Variants in TAFA5 observed in about 807,000 individuals in gnomAD.
TAFA5 encodes chemokine-like protein TAFA-5.
In TAFA5, 6 loss-of-function variants were observed where a neutral mutation model predicts 15.3. That is an observed-to-expected ratio of 0.39 (90% CI 0.21 to 0.77). The LOEUF (loss-of-function observed/expected upper bound fraction) is 0.77. Ranked by LOEUF, TAFA5 falls within the 30% of genes least tolerant of loss-of-function variation. The pLI is 0.41. For synonymous variants in TAFA5, 103 were observed against 80.7 expected, an observed-to-expected ratio of 1.28 and a Z score of -1.48; for missense variants, 161 against 193.1, an observed-to-expected ratio of 0.83 and a Z score of 0.98.
intron 1 of TAFA5, among the ~76,000 whole-genome samples, chr22:48,540,921 C>T (rs1388678464): frequency 6.6e-6 from 1 of 151,744 alleles, no homozygotes; most frequent in Non-Finnish European, 1.5e-5. Context: ...TATTAGAAGC[C>T]GGCCAGGTAA....
At chr22:48,596,471 T>G (rs1924768043) in intron 1 of TAFA5, among the ~76,000 whole-genome samples, 1 of 152,232 alleles carries the variant, frequency 6.6e-6, no homozygotes, top group African/African-American at 2.4e-5. Context: ...TATTACTGTT[T>G]GTGAAAATCA....
intron 1 of TAFA5, among the ~76,000 whole-genome samples, chr22:48,553,878 A>G (rs541016119): frequency 2.6e-5 from 4 of 152,234 alleles, no homozygotes; most frequent in Admixed American, 2.6e-4. Context: ...TTTGATGCTC[A>G]TTAGGTGATC....
At chr22:48,512,612 C>A (rs1239225788) in intron 1 of TAFA5, among the ~76,000 whole-genome samples, 4 of 149,974 alleles carry the variant, frequency 2.7e-5, no homozygotes, top group African/African-American at 9.9e-5. Flanking sequence ...GGTGATAGAG[C>A]GAGACTTTGT....
intron 1 of TAFA5, among the ~76,000 whole-genome samples, chr22:48,579,262 G>A (rs1020711858): frequency 2.0e-5 from 3 of 152,184 alleles, no homozygotes; most frequent in South Asian, 2.1e-4. Flanking sequence ...CCTGCCCACC[G>A]CACCAGGCCT....
At chr22:48,491,281 G>A (rs1928145630) in intron 1 of TAFA5, among the ~76,000 whole-genome samples, 2 of 152,306 alleles carry the variant, frequency 1.3e-5, no homozygotes, top group South Asian at 4.1e-4. Context: ...CCCAAGCAAG[G>A]CTTCCTAGGA....
intron 2 of TAFA5, among the ~76,000 whole-genome samples, chr22:48,656,035 G>A (rs1484510961): frequency 2.0e-5 from 3 of 151,270 alleles, no homozygotes; most frequent in East Asian, 2.0e-4. Context: ...GTAGAGATGG[G>A]GTTTCATCAT....
intron 1 of TAFA5, among the ~76,000 whole-genome samples, chr22:48,506,957 A>C (rs2071783): frequency 0.15 from 22,535 of 152,254 alleles, 2,095 homozygotes; most frequent in East Asian, 0.35. Flanking sequence ...CATCCCCTCC[A>C]GCCCACAGCA....
intron 3 of TAFA5, among the ~76,000 whole-genome samples, chr22:48,745,949 C>T (rs1316302321): frequency 6.6e-6 from 1 of 152,178 alleles, no homozygotes; most frequent in Non-Finnish European, 1.5e-5. Flanking sequence ...GCGGGAGCTG[C>T]CACCTGTGAG....
rs1045330576 is a variant in TAFA5, at chr22:48,751,157, A to G, written c.*1310A>G. 3 of 152,316 alleles carry G rather than the reference A, an allele frequency of 2.0e-5. No individual in the cohort carries two copies. The highest frequency in any genetic ancestry group is 7.2e-5 in the African/African-American group (3 of 41,464). 9.4% of individuals were successfully genotyped at this position (152,316 alleles called of 1,614,324 possible). On this transcript the variant is annotated 3_prime_UTR_variant, in exon 4 of 4. Coordinates refer to ENST00000402357, the MANE Select transcript of TAFA5 (RefSeq NM_001082967.3). The stretch of plus-strand genomic sequence containing the variant: ...GTATTGGTCAACACTTGAGCGTACA[A>G]TATCTTGAACATGCTTCTTCCAATG...
rs190209389 is a variant in TAFA5, at chr22:48,608,319, C to T, written c.113-38278C>T. Among the ~76,000 whole-genome samples, 35 of 152,334 alleles carry T rather than the reference C, an allele frequency of 2.3e-4. 1 individual carries two copies. The highest frequency in any genetic ancestry group is 2.3e-3 in the South Asian group (11 of 4,828). ...GCACCGTAGCCATCAGCCATATTCA[C>T]GATACCTCCTTCCAGTCCTTTTTTC... On this transcript the variant is annotated intron_variant, in intron 1 of 3. Coordinates refer to ENST00000402357, the MANE Select transcript of TAFA5 (RefSeq NM_001082967.3).
intron 1 of TAFA5, among the ~76,000 whole-genome samples, chr22:48,636,778 A>G (rs1359948386): frequency 1.3e-5 from 2 of 152,192 alleles, no homozygotes; most frequent in African/African-American, 4.8e-5. Context: ...GGGCAGAGCT[A>G]GTGTGGGTGT....
intron 1 of TAFA5, among the ~76,000 whole-genome samples, chr22:48,510,419 C>T (rs577054232): frequency 1.3e-5 from 2 of 152,328 alleles, no homozygotes; most frequent in Admixed American, 6.5e-5. Flanking sequence ...AGAAGACATC[C>T]AGATGTTCAC....
At chr22:48,611,992 G>T (rs772616865) in intron 1 of TAFA5, among the ~76,000 whole-genome samples, 32 of 152,164 alleles carry the variant, frequency 2.1e-4, no homozygotes, top group Non-Finnish European at 4.0e-4. Context: ...CTGAGCCTCA[G>T]TTTCCTCACC....
chr22:48,710,879 G>A (rs143667989), intron 3 of TAFA5, among the ~76,000 whole-genome samples: 258 of 152,272 alleles, frequency 1.7e-3, no homozygotes, highest in East Asian at 7.7e-3. Flanking sequence ...TGAATACTGC[G>A]GCTGGGTGAG....
chr22:48,683,701 C>T (rs962537062), intron 2 of TAFA5, among the ~76,000 whole-genome samples: 1 of 152,234 alleles, frequency 6.6e-6, no homozygotes, highest in Admixed American at 6.5e-5. Context: ...TCAAACTTGT[C>T]ATTGGCAATA....
intron 1 of TAFA5, among the ~76,000 whole-genome samples, chr22:48,615,377 C>A (rs1242480169): frequency 1.3e-5 from 2 of 152,180 alleles, no homozygotes; most frequent in African/African-American, 4.8e-5. Flanking sequence ...TACAGCCAGT[C>A]TTTCTTCAAG....
At chr22:48,723,168 T>A (rs1359184121) in intron 3 of TAFA5, among the ~76,000 whole-genome samples, 3 of 152,144 alleles carry the variant, frequency 2.0e-5, no homozygotes, top group African/African-American at 7.2e-5. Flanking sequence ...AGCCCAGCTC[T>A]TCAGACCCAG....
At position 48,552,052 on chromosome 22, in the gene TAFA5, C is replaced by T. The variant is rs969196334; in HGVS notation, c.112+62348C>T. Reference sequence around the variant, plus strand: ...CTCTGACTGTCCTCCCGGCAGGAAGCGTCCTCCAGTGCTCCCTCTGCTGTG... The same window carrying T: ...CTCTGACTGTCCTCCCGGCAGGAAGTGTCCTCCAGTGCTCCCTCTGCTGTG... On this transcript the variant is annotated intron_variant, in intron 1 of 3. Transcript: ENST00000402357. The surrounding 1 kb of genome is among the most constrained non-coding windows in gnomAD (Gnocchi z 4.1). Among the ~76,000 whole-genome samples the T allele has an allele frequency of 9.8e-5, 15 of 152,344 alleles. No homozygotes were observed. The highest frequency in any genetic ancestry group is 3.1e-4 in the African/African-American group (13 of 41,574).
intron 2 of TAFA5, among the ~76,000 whole-genome samples, chr22:48,659,146 G>C (rs776892960): frequency 1.4e-4 from 22 of 152,252 alleles, no homozygotes; most frequent in Admixed American, 1.3e-4. Flanking sequence ...GTTGGCTGCA[G>C]AGGCGGGACA....
Sources: gnomAD v4.1 joint callset for allele counts (sites outside exome capture counted in the v4.1 genomes callset) on GRCh38, gnomAD v4.1.1 for gene constraint, Gnocchi (gnomAD v3.1) non-coding constraint, MANE v1.5 for transcripts, NCBI Gene and HGNC (gene_info 2026-07-23, HGNC 2026-07-21) for gene names.